RGS6: variants seen among roughly 807,000 people sequenced by gnomAD.
RGS6 encodes the protein regulator of G protein signaling 6.
RGS6 carries 30 observed loss-of-function variants against 78.5 expected under a neutral mutation model. The observed-to-expected ratio is 0.38, with a 90% confidence interval of 0.29 to 0.52. RGS6 has a LOEUF of 0.52. Among genes scored for constraint, RGS6 ranks in the 20% least tolerant of loss-of-function variants. The probability of loss-of-function intolerance (pLI) is 0.85; values close to 1 mark genes in which losing one functional copy is unlikely to be tolerated. For missense variants in RGS6, 495 were observed against 609.7 expected, an observed-to-expected ratio of 0.81 and a Z score of 1.98; for synonymous variants, 206 against 206.0, an observed-to-expected ratio of 1.00 and a Z score of 0.00.
chr14:72,480,018 A>G (rs1373187777), intron 12 of RGS6, among the ~76,000 whole-genome samples: 3 of 152,218 alleles, frequency 2.0e-5, no homozygotes, highest in African/African-American at 7.2e-5. Flanking sequence ...CTATTTGCTC[A>G]GGTCCAGTGG....
intron 2 of RGS6, among the ~76,000 whole-genome samples, chr14:72,043,793 G>C (rs919809040): frequency 6.6e-6 from 1 of 152,088 alleles, no homozygotes; most frequent in Non-Finnish European, 1.5e-5. Flanking sequence ...GAAAGTTCTT[G>C]GTCATTATTC....
the RGS6 span, among the ~76,000 whole-genome samples, chr14:72,586,461 C>G: frequency 6.6e-6 from 1 of 152,200 alleles, no homozygotes; most frequent in Non-Finnish European, 1.5e-5. Context: ...TTGCCAGAAG[C>G]AGATGCTGGT....
At chr14:72,433,914 G>A (rs1234625008) in intron 3 of RGS6, among the ~76,000 whole-genome samples, 1 of 152,246 alleles carries the variant, frequency 6.6e-6, no homozygotes, top group East Asian at 1.9e-4. Context: ...ACAGTGCCTA[G>A]CAAATAGTAA....
intron 2 of RGS6, among the ~76,000 whole-genome samples, chr14:72,090,676 T>C (rs1314811152): frequency 2.6e-5 from 4 of 152,226 alleles, no homozygotes; most frequent in Non-Finnish European, 5.9e-5. Flanking sequence ...TTAATGATCA[T>C]GTTCACATAC....
intron 2 of RGS6, among the ~76,000 whole-genome samples, chr14:72,078,867 T>A (rs906411750): frequency 6.6e-6 from 1 of 152,202 alleles, no homozygotes; most frequent in African/African-American, 2.4e-5. Flanking sequence ...ATTTCTTACA[T>A]CTTCCCTTAT....
the RGS6 span, among the ~76,000 whole-genome samples, chr14:72,624,267 T>C: frequency 6.6e-6 from 1 of 152,068 alleles, no homozygotes; most frequent in Non-Finnish European, 1.5e-5. Flanking sequence ...AAATTACCAT[T>C]GGTGTAATAC....
At chr14:72,079,526 T>A (rs570032787) in intron 2 of RGS6, among the ~76,000 whole-genome samples, 1 of 152,164 alleles carries the variant, frequency 6.6e-6, no homozygotes, top group Non-Finnish European at 1.5e-5. Flanking sequence ...CACAGACTTA[T>A]CATTTTTTTG....
intron 2 of RGS6, among the ~76,000 whole-genome samples, chr14:72,204,274 A>G (rs1488489946): frequency 6.6e-6 from 1 of 152,222 alleles, no homozygotes; most frequent in East Asian, 1.9e-4. Context: ...CTCAGAAGCA[A>G]CATACCACCA....
At chr14:72,156,092 G>A (rs2096766351) in intron 2 of RGS6, among the ~76,000 whole-genome samples, 1 of 152,232 alleles carries the variant, frequency 6.6e-6, no homozygotes, top group South Asian at 2.1e-4. Flanking sequence ...ATTCCAATGA[G>A]CAGGTGGGTG....
At chr14:72,218,757 G>A (rs2046191113) in intron 2 of RGS6, among the ~76,000 whole-genome samples, 1 of 151,978 alleles carries the variant, frequency 6.6e-6, no homozygotes, top group African/African-American at 2.4e-5. Context: ...GACTACAGGT[G>A]CACACCACCA....
At chr14:72,047,189 G>A (rs1485847499) in intron 2 of RGS6, among the ~76,000 whole-genome samples, 1 of 152,146 alleles carries the variant, frequency 6.6e-6, no homozygotes, top group Non-Finnish European at 1.5e-5. Context: ...CAACTGGACT[G>A]GTAATCTACT....
chr14:72,451,645 A>G (rs2095495887), intron 3 of RGS6, among the ~76,000 whole-genome samples: 1 of 152,252 alleles, frequency 6.6e-6, no homozygotes, highest in Non-Finnish European at 1.5e-5. Context: ...TTGGCAGGTG[A>G]TAAATAATGG....
At chr14:72,626,334 T>G in the RGS6 span, among the ~76,000 whole-genome samples, 1 of 152,134 alleles carries the variant, frequency 6.6e-6, no homozygotes, top group Non-Finnish European at 1.5e-5. Flanking sequence ...ACCAGTCTCA[T>G]TAGCATCCTG....
chr14:71,991,177 C>T (rs547995689), intron 2 of RGS6, among the ~76,000 whole-genome samples: 43 of 152,314 alleles, frequency 2.8e-4, no homozygotes, highest in African/African-American at 1.0e-3. Context: ...TGCCACATAG[C>T]TTATCCCTGT....
At chr14:72,211,712 G>C (rs1296532832) in intron 2 of RGS6, among the ~76,000 whole-genome samples, 1 of 152,122 alleles carries the variant, frequency 6.6e-6, no homozygotes, top group Non-Finnish European at 1.5e-5. Flanking sequence ...GGGATACGAA[G>C]TTCAACTGCA....
intron 2 of RGS6, among the ~76,000 whole-genome samples, chr14:72,119,244 A>G (rs1483097107): frequency 6.6e-6 from 1 of 152,190 alleles, no homozygotes; most frequent in African/African-American, 2.4e-5. Flanking sequence ...AGTCGGGTAG[A>G]GCTTTTTAAC....
At chr14:72,457,449 T>G (rs928801729) in intron 4 of RGS6, among the ~76,000 whole-genome samples, 1 of 152,210 alleles carries the variant, frequency 6.6e-6, no homozygotes, top group African/African-American at 2.4e-5. Flanking sequence ...CTGCTCAGGA[T>G]AAATCTAAAT....
At chr14:72,382,955 GACA>G (rs1229075675) in intron 3 of RGS6, among the ~76,000 whole-genome samples, 1 of 151,870 alleles carries the variant, frequency 6.6e-6, no homozygotes, top group Non-Finnish European at 1.5e-5. Flanking sequence ...GGGGAAAGTA[GACA>G]ACAAGAAATG....
chr14:72,561,323 G>A (rs566258588), intron 17 of RGS6, among the ~76,000 whole-genome samples: 3 of 152,228 alleles, frequency 2.0e-5, no homozygotes, highest in South Asian at 2.1e-4. Flanking sequence ...GAGCTATCAC[G>A]TGCTGCCCTT....
Sources: allele counts gnomAD v4.1 joint callset (sites outside exome capture counted in the v4.1 genomes callset), GRCh38; gene constraint gnomAD v4.1.1; transcripts MANE v1.5; gene names NCBI Gene and HGNC (gene_info 2026-07-23, HGNC 2026-07-21).